BTBD9: variants seen among roughly 807,000 people sequenced by gnomAD.
The protein encoded by BTBD9 is BTB/POZ domain-containing protein 9.
Under a neutral mutation model 64.3 loss-of-function variants are expected in BTBD9, and 49 were observed. That is an observed-to-expected ratio of 0.76 (90% CI 0.61 to 0.97). The LOEUF is 0.97. BTBD9 is among the 50% of genes least tolerant of loss of function. BTBD9 has a pLI of 0.00. For synonymous variants in BTBD9, 260 were observed against 274.7 expected, an observed-to-expected ratio of 0.95 and a Z score of 0.53; for missense variants, 598 against 762.1, an observed-to-expected ratio of 0.78 and a Z score of 2.53.
chr6:38,380,253 A>G (rs1173573716), intron 6 of BTBD9, among the ~76,000 whole-genome samples: 1 of 152,202 alleles, frequency 6.6e-6, no homozygotes, highest in Non-Finnish European at 1.5e-5. Context: ...AAAGAAAAAT[A>G]AAAGAATTCA....
Position 38,635,346 on chromosome 6 carries a change from G to T in BTBD9, c.-28+4454C>A, listed in dbSNP as rs568238814. ...AGATAGGGTTTCACCATGTTGGCCA[G>T]GCTAGTCTCAAACTCCTGACCTCAA... is the stretch of plus-strand genomic sequence containing the variant. On this transcript the variant is annotated intron_variant, in intron 1 of 10. Coordinates refer to ENST00000481247, the MANE Select transcript of BTBD9 (RefSeq NM_001099272.2). Among the ~76,000 whole-genome samples the T allele has an allele frequency of 4.6e-5, 7 of 152,148 alleles. 2 individuals carry two copies. In the South Asian group the frequency reaches 1.5e-3, roughly 32 times the overall value.
At chr6:38,330,859 T>C (rs1763649568) in intron 7 of BTBD9, among the ~76,000 whole-genome samples, 1 of 152,096 alleles carries the variant, frequency 6.6e-6, no homozygotes, top group Admixed American at 6.5e-5. Context: ...AACCTCTACC[T>C]CAGACCAAAC....
chr6:38,322,264 C>T (rs1186821520), intron 7 of BTBD9, among the ~76,000 whole-genome samples: 1 of 152,100 alleles, frequency 6.6e-6, no homozygotes, highest in Non-Finnish European at 1.5e-5. Flanking sequence ...CCAAGATACT[C>T]TTCCGTTATT....
intron 7 of BTBD9, among the ~76,000 whole-genome samples, chr6:38,324,230 T>A (rs577315311): frequency 1.3e-5 from 2 of 152,330 alleles, no homozygotes; most frequent in Admixed American, 1.3e-4. Context: ...ATAGCTTTGT[T>A]TATAAAAACA....
chr6:38,281,146 A>G (rs1761500259), intron 8 of BTBD9, among the ~76,000 whole-genome samples: 1 of 152,244 alleles, frequency 6.6e-6, no homozygotes, highest in South Asian at 2.1e-4. Context: ...GCTATTAAGT[A>G]GGAAAAAAAT....
At chr6:38,437,936 C>T (rs2127305656) in intron 6 of BTBD9, among the ~76,000 whole-genome samples, 1 of 152,022 alleles carries the variant, frequency 6.6e-6, no homozygotes, top group South Asian at 2.1e-4. Flanking sequence ...ATGTCAGACT[C>T]AGTCTCAGAT....
chr6:38,463,120 T>C (rs960457413), intron 6 of BTBD9, among the ~76,000 whole-genome samples: 1 of 152,172 alleles, frequency 6.6e-6, no homozygotes, highest in African/African-American at 2.4e-5. Flanking sequence ...TCAGATTTTT[T>C]CCCCTAAGTA....
intron 10 of BTBD9, among the ~76,000 whole-genome samples, chr6:38,178,345 A>G (rs1245701977): frequency 6.6e-6 from 1 of 152,216 alleles, no homozygotes; most frequent in Non-Finnish European, 1.5e-5. Context: ...AGACAGGATG[A>G]ACATCACATA....
At chr6:38,370,911 T>C (rs1025618800) in intron 6 of BTBD9, among the ~76,000 whole-genome samples, 8 of 152,196 alleles carry the variant, frequency 5.3e-5, no homozygotes, top group East Asian at 3.9e-4. Flanking sequence ...AAACTTTTTT[T>C]CCACATTTCC....
chr6:38,284,558 C>T (rs1761652318), intron 8 of BTBD9, among the ~76,000 whole-genome samples: 3 of 152,120 alleles, frequency 2.0e-5, no homozygotes, highest in African/African-American at 7.2e-5. Flanking sequence ...GTACCCCCTC[C>T]CCCCAGTTTC....
At chr6:38,395,349 T>C (rs1766619286) in intron 6 of BTBD9, among the ~76,000 whole-genome samples, 1 of 152,114 alleles carries the variant, frequency 6.6e-6, no homozygotes, top group Non-Finnish European at 1.5e-5. Flanking sequence ...GGTGGGAGGA[T>C]TGCTTAAACT....
chr6:38,275,250 G>C (rs1389457678), intron 8 of BTBD9, among the ~76,000 whole-genome samples: 18 of 151,866 alleles, frequency 1.2e-4, no homozygotes, highest in Admixed American at 9.8e-4. Flanking sequence ...AATGGGGAAA[G>C]GATTCCCTAT....
At chr6:38,561,288 T>C (rs1186871706) in intron 6 of BTBD9, among the ~76,000 whole-genome samples, 1 of 151,968 alleles carries the variant, frequency 6.6e-6, no homozygotes, top group African/African-American at 2.4e-5. Flanking sequence ...ATGGCTATTA[T>C]TAAAAAATAA....
At chr6:38,576,209 TCTC>T (rs1776025078) in intron 6 of BTBD9, among the ~76,000 whole-genome samples, 1 of 152,168 alleles carries the variant, frequency 6.6e-6, no homozygotes, top group African/African-American at 2.4e-5. Flanking sequence ...GCAGACTCAA[TCTC>T]CTCCTCTATG....
intron 6 of BTBD9, among the ~76,000 whole-genome samples, chr6:38,446,087 C>A (rs965132858): frequency 1.4e-4 from 21 of 152,064 alleles, no homozygotes; most frequent in African/African-American, 5.1e-4. Flanking sequence ...AAGATTAGAG[C>A]AAAACAAAAA....
chr6:38,177,436 C>A lies in BTBD9; in HGVS notation c.1642-2254G>T, dbSNP rs147595811. On this transcript the variant is annotated intron_variant, in intron 10 of 10. Coordinates refer to ENST00000481247, the MANE Select transcript of BTBD9 (RefSeq NM_001099272.2). ...TACTGATCTGTCAGCTCCGATCTGA[C>A]TCAAGGACCAAGGCTTAGTCGTCCT... is the stretch of plus-strand genomic sequence containing the variant. Among the ~76,000 whole-genome samples, 656 of 152,336 alleles carry A rather than the reference C, an allele frequency of 4.3e-3. 2 individuals are homozygous for A. Among genetic ancestry groups the A allele is most frequent in the African/African-American group, 0.015 (612 of 41,570 alleles).
At chr6:38,426,374 C>T (rs1768148676) in intron 6 of BTBD9, among the ~76,000 whole-genome samples, 1 of 151,966 alleles carries the variant, frequency 6.6e-6, no homozygotes, top group Admixed American at 6.5e-5. Flanking sequence ...GATATAAACC[C>T]AGGCATTCGA....
intron 5 of BTBD9, among the ~76,000 whole-genome samples, 154 bp downstream of exon 5, chr6:38,580,064 T>C (rs1776219328): frequency 6.6e-6 from 1 of 152,240 alleles, no homozygotes; most frequent in African/African-American, 2.4e-5. Context: ...TAAAGAAATA[T>C]ATCCTTTAAC....
intron 6 of BTBD9, among the ~76,000 whole-genome samples, chr6:38,424,684 T>C (rs949845949): frequency 6.6e-6 from 1 of 151,234 alleles, no homozygotes; most frequent in Admixed American, 6.6e-5. Context: ...GCCGGGCTTA[T>C]TTTTGTATTT....
Sources: allele counts gnomAD v4.1 joint callset (sites outside exome capture counted in the v4.1 genomes callset), GRCh38; gene constraint gnomAD v4.1.1; transcripts MANE v1.5; gene names NCBI Gene and HGNC (gene_info 2026-07-23, HGNC 2026-07-21).